ATRX: variants seen among roughly 807,000 people sequenced by gnomAD.
The protein encoded by ATRX is chromatin remodeler ATRX.
In ATRX, 12 loss-of-function variants were observed where a neutral mutation model predicts 172.6. The observed-to-expected ratio is 0.07, with a 90% CI of 0.04 to 0.11. The LOEUF is 0.11. Ranked by LOEUF, ATRX falls within the 10% of genes least tolerant of loss-of-function variation. ATRX has a pLI of 1.00. For missense variants in ATRX, 1,368 were observed against 1,767.4 expected, an observed-to-expected ratio of 0.77 and a Z score of 4.05; for synonymous variants, 674 against 594.7, an observed-to-expected ratio of 1.13 and a Z score of -1.94.
chrX:77,515,493 T>C (rs781785414), intron 34 of ATRX, among the ~76,000 whole-genome samples: 1 of 111,252 alleles, frequency 9.0e-6, no homozygotes, highest in Non-Finnish European at 1.9e-5. Flanking sequence ...CTACAGTGAC[T>C]GAAGCTCTAG....
chrX:77,654,063 T>G (rs1557118660), intron 14 of ATRX, 35 bp downstream of exon 14: 2 of 1,101,622 alleles, frequency 1.8e-6, no homozygotes, highest in South Asian at 1.8e-5. Flanking sequence ...ACTGTACTGG[T>G]TATAATTCAA....
Position 77,517,713 on chromosome X carries a change from CA to C in ATRX, c.7200+3074del, listed in dbSNP as rs782810458. On this transcript the variant is annotated intron_variant, in intron 34 of 34. Transcript: ENST00000373344. ...TAATACCAAAACCAGACAAACACATCAAAAAAAGAAAACTACAGGGCAATAT... is the reference window on the plus strand; with the variant it reads ...TAATACCAAAACCAGACAAACACATCAAAAAAGAAAACTACAGGGCAATAT... Among the ~76,000 whole-genome samples the C allele has an allele frequency of 8.1e-5, 9 of 111,337 alleles. No individual in the cohort carries two copies. The South Asian group carries it at 3.3e-3, about 41-fold the overall frequency.
At chrX:77,620,292 G>C in intron 20 of ATRX, 103 bp downstream of exon 20, 1 of 916,059 alleles carries the variant, frequency 1.1e-6, no homozygotes, top group Non-Finnish European at 1.6e-6. Context: ...TCATGGTCTA[G>C]GACTATACTA....
chrX:77,550,460 G>GT (rs782604502), intron 30 of ATRX, among the ~76,000 whole-genome samples: 1 of 111,277 alleles, frequency 9.0e-6, no homozygotes, highest in Non-Finnish European at 1.9e-5. Flanking sequence ...TTGATGGGAC[G>GT]TATCTCAAAA....
Position 77,599,545 on chromosome X carries a change from C to T in ATRX, c.5822G>A (p.Ser1941Asn), listed in dbSNP as rs2148144627. 1 of 1,210,322 alleles carries T rather than the reference C, an allele frequency of 8.3e-7. No individual in the cohort carries two copies. Among genetic ancestry groups the T allele is most frequent in the Non-Finnish European group, 1.1e-6 (1 of 895,148 alleles). Residue 1941 changes from serine (S) to asparagine (N), a missense_variant, in exon 25 of 35, where the codon AGT (serine) becomes AAT (asparagine). Physicochemically the swap from Ser to Asn is conservative, Grantham distance 46. This residue lies in a region of ATRX where 17 missense variants were observed against 17.7 expected (regional missense o/e 0.96). Coordinates refer to ENST00000373344, the MANE Select transcript of ATRX (RefSeq NM_000489.6). ...KKKGKKGKKD[S>N]SSSGSGSDND... is the part of the protein sequence containing the mutation. ...GTCACTGCCACTTCCACTTGAGCTA[C>T]TATCTTTTTTCCCCTTTTTCCCTTT...
intron 1 of ATRX, among the ~76,000 whole-genome samples, chrX:77,772,769 G>A (rs1162955146): frequency 1.8e-5 from 2 of 109,925 alleles, no homozygotes; most frequent in Non-Finnish European, 3.8e-5. Flanking sequence ...CCAAAGGCGT[G>A]AGTCACCACA....
At chrX:77,571,262 ACAG>A (rs1175046492) in intron 28 of ATRX, among the ~76,000 whole-genome samples, 3 of 112,238 alleles carry the variant, frequency 2.7e-5, no homozygotes, top group Non-Finnish European at 5.6e-5. Context: ...CACAGTGTTC[ACAG>A]CAGCTTTAGT....
chrX:77,721,895 G>T (rs1289515145), intron 1 of ATRX, among the ~76,000 whole-genome samples: 27 of 111,766 alleles, frequency 2.4e-4, no homozygotes, highest in Admixed American at 2.1e-3. Context: ...GAACAAAGCT[G>T]GAGGCATCAT....
chrX:77,560,335 T>C (rs180942021), intron 28 of ATRX, among the ~76,000 whole-genome samples: 3 of 111,575 alleles, frequency 2.7e-5, no homozygotes, highest in East Asian at 5.6e-4. Flanking sequence ...ATATATTTCC[T>C]ACAGTTTTCT....
At chrX:77,558,914 G>A (rs1557060485) in intron 28 of ATRX, 68 bp from the exon 29 acceptor site, 11 of 915,696 alleles carry the variant, frequency 1.2e-5, no homozygotes, top group Non-Finnish European at 1.5e-5. Context: ...ATTACAATAT[G>A]ACTTTTTGAT....
At chrX:77,704,243 G>A (rs1419784185) in intron 2 of ATRX, among the ~76,000 whole-genome samples, 2 of 111,211 alleles carry the variant, frequency 1.8e-5, no homozygotes, top group African/African-American at 6.5e-5. Context: ...GCACCTCTTT[G>A]CAGGAAGGTC....
intron 10 of ATRX, among the ~76,000 whole-genome samples, chrX:77,665,287 T>C (rs2070171315): frequency 1.8e-5 from 2 of 112,637 alleles, no homozygotes; most frequent in African/African-American, 3.2e-5. Flanking sequence ...ATGATAGTTT[T>C]GGACCTTAAT....
chrX:77,623,152 T>G (rs1557101067), intron 19 of ATRX, among the ~76,000 whole-genome samples: 2 of 111,429 alleles, frequency 1.8e-5, no homozygotes, highest in Non-Finnish European at 3.8e-5. Flanking sequence ...ATAAAATTGA[T>G]AGAACATTAG....
intron 30 of ATRX, among the ~76,000 whole-genome samples, chrX:77,530,351 A>C (rs2063530583): frequency 9.0e-6 from 1 of 111,731 alleles, no homozygotes. Context: ...TCACGTCTGT[A>C]ATCCCTGCAC....
At chrX:77,690,585 T>C (rs190498379) in intron 6 of ATRX, among the ~76,000 whole-genome samples, 6 of 111,655 alleles carry the variant, frequency 5.4e-5, no homozygotes, top group Admixed American at 4.8e-4. Context: ...TATCTCAACC[T>C]ACCTAATAGC....
chrX:77,727,035 A>C (rs1464318457), intron 1 of ATRX, among the ~76,000 whole-genome samples: 1 of 111,821 alleles, frequency 8.9e-6, no homozygotes, highest in Non-Finnish European at 1.9e-5. Flanking sequence ...ATGAATAGAC[A>C]CTTCTCCAAA....
intron 30 of ATRX, among the ~76,000 whole-genome samples, chrX:77,546,333 T>A: frequency 9.0e-6 from 1 of 111,617 alleles, no homozygotes; most frequent in East Asian, 2.8e-4. Context: ...AGATACTGTT[T>A]GTTTTTTTAA....
At chrX:77,649,801 G>A (rs1557115806) in intron 15 of ATRX, among the ~76,000 whole-genome samples, 1 of 112,060 alleles carries the variant, frequency 8.9e-6, no homozygotes, top group African/African-American at 3.2e-5. Flanking sequence ...CAAGCCACAT[G>A]GAACTATAAG....
chrX:77,646,541 T>C (rs1023373828), intron 15 of ATRX, among the ~76,000 whole-genome samples: 1 of 110,870 alleles, frequency 9.0e-6, no homozygotes, highest in Non-Finnish European at 1.9e-5. Flanking sequence ...AGAGAAACAG[T>C]TGGAGACATA....
Sources: gnomAD v4.1 joint callset for allele counts (sites outside exome capture counted in the v4.1 genomes callset) on GRCh38, gnomAD v4.1.1 for gene constraint, gnomAD v4.1.1 regional missense constraint, MANE v1.5 for transcripts, NCBI Gene and HGNC (gene_info 2026-07-23, HGNC 2026-07-21) for gene names.